Variants in GLRA3 observed in about 807,000 individuals in gnomAD.
GLRA3 encodes the protein glycine receptor subunit alpha-3.
GLRA3 carries 44 observed loss-of-function variants against 60.4 expected under a neutral mutation model. That is an observed-to-expected ratio of 0.73 (90% CI 0.57 to 0.94). The LOEUF (loss-of-function observed/expected upper bound fraction) is 0.94. Ranked by LOEUF, GLRA3 falls within the 40% of genes least tolerant of loss-of-function variation. The pLI, the probability that GLRA3 is intolerant of heterozygous loss-of-function variation, is 0.00. For synonymous variants in GLRA3, 223 were observed against 192.9 expected, an observed-to-expected ratio of 1.16 and a Z score of -1.29; for missense variants, 508 against 564.6, an observed-to-expected ratio of 0.90 and a Z score of 1.02.
intron 6 of GLRA3, 78 bp downstream of exon 6, chr4:174,682,719 ATAACT>A (rs1734397821): frequency 9.9e-7 from 1 of 1,006,822 alleles, no homozygotes. Flanking sequence ...GAACAGTTAA[ATAACT>A]TAGCATTATA....
chr4:174,763,353 A>C (rs1738007893), intron 3 of GLRA3, among the ~76,000 whole-genome samples: 1 of 152,152 alleles, frequency 6.6e-6, no homozygotes, highest in Non-Finnish European at 1.5e-5. Flanking sequence ...ATCACTCAAC[A>C]ATTACAGCTT....
chr4:174,664,005 G>T (rs935792035), intron 7 of GLRA3, among the ~76,000 whole-genome samples: 1 of 152,162 alleles, frequency 6.6e-6, no homozygotes, highest in Non-Finnish European at 1.5e-5. Context: ...AGGTGCACTG[G>T]TCAGGGGACC....
At chr4:174,706,682 T>A (rs541543703) in intron 5 of GLRA3, among the ~76,000 whole-genome samples, 42 of 152,304 alleles carry the variant, frequency 2.8e-4, no homozygotes, top group Non-Finnish European at 5.1e-4. Context: ...TTTTTATCTG[T>A]ATCTTTTCTC....
Position 174,682,798 on chromosome 4 carries a change from C to G in GLRA3, c.712+4G>C. On this transcript the variant is annotated splice_donor_region_variant and intron_variant, in intron 6 of 9. Coordinates refer to ENST00000274093, the MANE Select transcript of GLRA3 (RefSeq NM_006529.4). ...AAGTGTAAAGAACACTACTCAACCCCTACCTGTATTGTAATGTTTAGTGCA... is the reference window on the plus strand; with the variant it reads ...AAGTGTAAAGAACACTACTCAACCCGTACCTGTATTGTAATGTTTAGTGCA... 1 of 1,608,866 alleles carries G rather than the reference C, an allele frequency of 6.2e-7. No homozygotes were observed. Among genetic ancestry groups the G allele is most frequent in the Non-Finnish European group, 8.5e-7 (1 of 1,175,708 alleles).
intron 5 of GLRA3, among the ~76,000 whole-genome samples, chr4:174,691,544 G>T (rs578021815): frequency 6.6e-6 from 1 of 152,150 alleles, no homozygotes; most frequent in Non-Finnish European, 1.5e-5. Flanking sequence ...CGCGCGCGCC[G>T]CCACGCCTGA....
At chr4:174,757,108 AACAGTT>A (rs1737748716) in intron 3 of GLRA3, among the ~76,000 whole-genome samples, 1 of 152,266 alleles carries the variant, frequency 6.6e-6, no homozygotes, top group Non-Finnish European at 1.5e-5. Flanking sequence ...CAACTGTCTT[AACAGTT>A]TGCATTAACA....
rs534878527 is a variant in GLRA3 at position 174,757,744 on chromosome 4, A to G, written c.267+9219T>C. Among the ~76,000 whole-genome samples, 7 of 152,352 alleles carry G rather than the reference A, an allele frequency of 4.6e-5. No homozygotes were observed. In the East Asian group the frequency reaches 1.3e-3, roughly 29 times the overall value. On this transcript the variant is annotated intron_variant, in intron 3 of 9. Transcript: ENST00000274093. ...ATATGCAGAAATGGTTCCCTCAGGT[A>G]GGTGGAACATAATCTCTTTATCCCC...
intron 3 of GLRA3, among the ~76,000 whole-genome samples, chr4:174,742,337 G>C (rs1737061579): frequency 6.6e-6 from 1 of 152,096 alleles, no homozygotes; most frequent in Admixed American, 6.5e-5. Context: ...GAACACTAAA[G>C]CTTGCTTTGA....
intron 5 of GLRA3, among the ~76,000 whole-genome samples, chr4:174,691,050 G>T (rs1734775204): frequency 6.6e-6 from 1 of 152,118 alleles, no homozygotes; most frequent in Non-Finnish European, 1.5e-5. Flanking sequence ...AGAATTGCTG[G>T]GTTGAATGGT....
intron 3 of GLRA3, among the ~76,000 whole-genome samples, chr4:174,751,731 TA>T (rs1291738357): frequency 1.3e-5 from 2 of 152,062 alleles, no homozygotes; most frequent in Admixed American, 1.3e-4. Context: ...CTTATAAATA[TA>T]CACTTTAGAG....
At chr4:174,696,576 T>C (rs1187947790) in intron 5 of GLRA3, among the ~76,000 whole-genome samples, 6 of 151,212 alleles carry the variant, frequency 4.0e-5, no homozygotes, top group Non-Finnish European at 4.4e-5. Flanking sequence ...TTACTAAGTA[T>C]GCAGGAAGAA....
intron 5 of GLRA3, among the ~76,000 whole-genome samples, chr4:174,697,956 C>G (rs897766658): frequency 6.6e-6 from 1 of 152,048 alleles, no homozygotes; most frequent in African/African-American, 2.4e-5. Context: ...TGCCCGACTA[C>G]CTTTTTGGAA....
intron 5 of GLRA3, among the ~76,000 whole-genome samples, chr4:174,685,967 A>G (rs1318714599): frequency 6.6e-6 from 1 of 152,262 alleles, no homozygotes; most frequent in Non-Finnish European, 1.5e-5. Context: ...TAGCTTTATG[A>G]AATTCCTTCA....
intron 1 of GLRA3, among the ~76,000 whole-genome samples, chr4:174,804,821 A>AG (rs1560809279): frequency 6.6e-6 from 1 of 152,152 alleles, no homozygotes; most frequent in Non-Finnish European, 1.5e-5. Context: ...TGCTTTACAT[A>AG]GGGCATGAAA....
intron 4 of GLRA3, among the ~76,000 whole-genome samples, chr4:174,717,853 T>C (rs536400610): frequency 6.6e-6 from 1 of 152,350 alleles, no homozygotes; most frequent in African/African-American, 2.4e-5. Context: ...CACACATTAA[T>C]TTTCCAAATA....
intron 3 of GLRA3, among the ~76,000 whole-genome samples, chr4:174,732,499 A>G (rs953274706): frequency 2.0e-5 from 3 of 152,214 alleles, no homozygotes; most frequent in African/African-American, 7.2e-5. Flanking sequence ...AAAAGTATTT[A>G]TAGCAACACT....
intron 5 of GLRA3, among the ~76,000 whole-genome samples, chr4:174,708,679 C>T (rs970572099): frequency 2.7e-5 from 4 of 147,042 alleles, no homozygotes; most frequent in Non-Finnish European, 4.5e-5. Context: ...TAGATATGAA[C>T]TACAGAATTA....
chr4:174,712,034 T>G (rs1200163546), intron 5 of GLRA3, among the ~76,000 whole-genome samples: 2 of 152,106 alleles, frequency 1.3e-5, no homozygotes, highest in Non-Finnish European at 2.9e-5. Flanking sequence ...TCATACTTTT[T>G]TTTTCTCATC....
At chr4:174,673,180 A>C (rs1400735572) in intron 7 of GLRA3, among the ~76,000 whole-genome samples, 1 of 152,138 alleles carries the variant, frequency 6.6e-6, no homozygotes, top group East Asian at 1.9e-4. Context: ...GGTAAGGTGT[A>C]TATAATATTG....
Sources: gnomAD v4.1 joint callset for allele counts (sites outside exome capture counted in the v4.1 genomes callset) on GRCh38, gnomAD v4.1.1 for gene constraint, MANE v1.5 for transcripts, NCBI Gene and HGNC (gene_info 2026-07-23, HGNC 2026-07-21) for gene names.